The following FLNB variants were observed in gnomAD, a reference collection of about 807,000 sequenced individuals.
FLNB encodes the protein filamin B.
Under a neutral mutation model 250.6 loss-of-function variants are expected in FLNB, and 111 were observed. That is an observed-to-expected ratio of 0.44 (90% CI 0.38 to 0.52). The LOEUF is 0.52. Ranked by LOEUF, FLNB falls within the 20% of genes least tolerant of loss-of-function variation. The pLI is 0.00. For missense variants in FLNB, 2,869 were observed against 3,447.8 expected, an observed-to-expected ratio of 0.83 and a Z score of 4.20; for synonymous variants, 1,302 against 1,372.1, an observed-to-expected ratio of 0.95 and a Z score of 1.13.
chr3:58,163,019 G>A, intron 42 of FLNB, 135 bp from the exon 43 acceptor site: 1 of 853,184 alleles, frequency 1.2e-6, no homozygotes, highest in Admixed American at 2.0e-5. Flanking sequence ...AATCCAGGAT[G>A]CTGAGTGCCA....
chr3:58,052,873 A>G (rs1440745232), intron 1 of FLNB, among the ~76,000 whole-genome samples: 1 of 152,020 alleles, frequency 6.6e-6, no homozygotes, highest in East Asian at 1.9e-4. Context: ...CCCCATGGTC[A>G]CCCTCGCATT....
At chr3:58,120,218 G>A (rs989604125) in intron 19 of FLNB, among the ~76,000 whole-genome samples, 1 of 152,218 alleles carries the variant, frequency 6.6e-6, no homozygotes, top group Non-Finnish European at 1.5e-5. Context: ...TGGCTTTTGT[G>A]GCTGGAGCAG....
intron 1 of FLNB, among the ~76,000 whole-genome samples, chr3:58,055,951 C>A (rs1239704767): frequency 6.6e-6 from 1 of 151,958 alleles, no homozygotes; most frequent in African/African-American, 2.4e-5. Context: ...ATAGTTTGTG[C>A]TATCTAAAAC....
At chr3:58,060,769 C>CAAAA (rs71091334) in intron 1 of FLNB, among the ~76,000 whole-genome samples, 467 of 64,118 alleles carry the variant, frequency 7.3e-3, no homozygotes, top group Non-Finnish European at 0.011. Flanking sequence ...GACCTTGTCT[C>CAAAA]AAAAAAAAAA....
rs1288993059 is a variant in FLNB at position 58,151,410 on chromosome 3, AAAAAAGAG to A, written c.6367+1184_6367+1191del. On this transcript the variant is annotated intron_variant, in intron 38 of 45. Transcript: ENST00000295956. The stretch of plus-strand genomic sequence containing the variant: ...CCTTCTCAAAAAAAAAAAAAAAAAA[AAAAAAGAG>A]CTGTACTGATCGTTTGTAGTCATAA... 180 of 151,396 alleles carry A rather than the reference AAAAAAGAG, an allele frequency of 1.2e-3. 1 individual carries two copies. The highest frequency in any genetic ancestry group is 3.9e-3 in the African/African-American group (159 of 41,150). 9.4% of individuals were successfully genotyped at this position (151,396 alleles called of 1,614,324 possible). A position where few individuals can be genotyped will look rare whatever the true frequency, so the allele number is the denominator to read the frequency against.
intron 1 of FLNB, among the ~76,000 whole-genome samples, chr3:58,050,657 GC>G (rs1235155225): frequency 1.3e-5 from 2 of 152,168 alleles, no homozygotes; most frequent in Non-Finnish European, 2.9e-5. Flanking sequence ...GAGGCACTGA[GC>G]TTGATTCTGA....
intron 42 of FLNB, among the ~76,000 whole-genome samples, chr3:58,160,379 T>G (rs898556745): frequency 1.3e-5 from 2 of 152,214 alleles, no homozygotes; most frequent in Non-Finnish European, 2.9e-5. Flanking sequence ...GTGTTACCGG[T>G]GAACATAATA....
intron 25 of FLNB, chr3:58,132,539 G>A: frequency 1.9e-6 from 1 of 533,238 alleles, no homozygotes; most frequent in Non-Finnish European, 3.4e-6. Flanking sequence ...AGCAAGCACA[G>A]GCAGTCTCCT....
At chr3:58,170,536 T>A in intron 45 of FLNB, 39 bp from the exon 46 acceptor site, 2 of 1,600,904 alleles carry the variant, frequency 1.2e-6, no homozygotes, top group Non-Finnish European at 1.7e-6. Flanking sequence ...GTGCCTGTCC[T>A]GATGCATCCG....
chr3:58,017,400 G>A (rs147297733), intron 1 of FLNB, among the ~76,000 whole-genome samples: 86 of 152,268 alleles, frequency 5.6e-4, no homozygotes, highest in African/African-American at 2.0e-3. Context: ...ACAGGCATGC[G>A]CCATCACACC....
At chr3:58,151,816 A>G (rs2097345551) in intron 38 of FLNB, among the ~76,000 whole-genome samples, 1 of 152,194 alleles carries the variant, frequency 6.6e-6, no homozygotes, top group Non-Finnish European at 1.5e-5. Context: ...TGTGGGCTGG[A>G]TGCCCAGGAG....
At chr3:58,021,936 C>A (rs1405896256) in intron 1 of FLNB, among the ~76,000 whole-genome samples, 1 of 152,052 alleles carries the variant, frequency 6.6e-6, no homozygotes. Context: ...ACCAACACTG[C>A]TGGCTAATTT....
At chr3:58,038,989 G>A (rs2097142161) in intron 1 of FLNB, among the ~76,000 whole-genome samples, 1 of 151,384 alleles carries the variant, frequency 6.6e-6, no homozygotes, top group African/African-American at 2.4e-5. Context: ...CACTTTGGGA[G>A]GCTAAGGTGG....
rs1022909179 is a variant in FLNB, at chr3:58,142,838, C to T, written c.5284+86C>T. ...GTGCTGGGGAGGTGTGTCCACTGTC[C>T]CCCAGACCCAGGCTCCTTAACCCAG... On this transcript the variant is annotated intron_variant, in intron 31 of 45. Coordinates refer to ENST00000295956, the MANE Select transcript of FLNB (RefSeq NM_001457.4). This position sits in a 1 kb window ranked among gnomAD's most constrained non-coding sequence, Gnocchi z 4.3. 7.6e-6 allele frequency: 9 copies of T among 1,191,126 alleles called. No homozygotes were observed. Among genetic ancestry groups the T allele is most frequent in the Non-Finnish European group, 1.1e-5 (9 of 804,792 alleles). The allele number at this position is 1,191,126 out of a possible 1,614,324, so 73.8% of individuals were successfully genotyped here. A position where few individuals can be genotyped will look rare whatever the true frequency, so the allele number is the denominator to read the frequency against.
intron 11 of FLNB, 78 bp from the exon 12 acceptor site, chr3:58,106,602 C>A (rs184067377): frequency 5.9e-6 from 8 of 1,364,684 alleles, no homozygotes; most frequent in Non-Finnish European, 8.4e-6. Context: ...AGGGAGGCAG[C>A]GGGAATGAGC....
At chr3:58,122,735 C>T (rs967392700) in intron 20 of FLNB, among the ~76,000 whole-genome samples, 3 of 152,288 alleles carry the variant, frequency 2.0e-5, no homozygotes, top group East Asian at 3.9e-4. Flanking sequence ...AGAGCCCTTC[C>T]ATGAGCCCTC....
intron 1 of FLNB, among the ~76,000 whole-genome samples, chr3:58,035,095 T>C (rs1318903301): frequency 6.6e-6 from 1 of 152,206 alleles, no homozygotes; most frequent in Admixed American, 6.5e-5. Flanking sequence ...CGTGGCTTCC[T>C]GTGTCACTAG....
Position 58,164,313 on chromosome 3 carries a change from C to CT in FLNB, c.7198+984dup, listed in dbSNP as rs1291628100. 6.6e-6 allele frequency: 1 copy of CT among 152,292 alleles called. No homozygotes were observed. The highest frequency in any genetic ancestry group is 1.9e-4 in the East Asian group (1 of 5,202). The allele number at this position is 152,292 out of a possible 1,614,324, so 9.4% of individuals were successfully genotyped here. ...AGTGAGTGCGTCACTGTTATGGAGG[C>CT]TGCCAGGGTGGAGAGTCAGTCCTTA... On this transcript the variant is annotated intron_variant, in intron 43 of 45. Transcript: ENST00000295956. The surrounding 1 kb of genome is among the most constrained non-coding windows in gnomAD (Gnocchi z 4.0).
In FLNB at chr3:58,138,462, C is replaced by T. The variant is rs780823510; in HGVS notation, c.5042C>T (p.Pro1681Leu). The T allele has an allele frequency of 1.1e-5, 18 of 1,614,056 alleles. No homozygotes were observed. Among genetic ancestry groups the T allele is most frequent in the East Asian group, 6.7e-5 (3 of 44,898 alleles). ...TYDIFYTAAK[P>L]GTYVIYVRFG... is the part of the protein sequence containing the mutation. The stretch of plus-strand genomic sequence containing the variant: ...GACATCTTCTACACAGCTGCCAAGC[C>T]GGGCACATATGTGATCTATGTGCGC... The change falls in exon 29 of 46, where the codon CCG becomes CTG. Residue 1681 changes from proline (P) to leucine (L), a missense_variant. Physicochemically the swap from Pro to Leu is moderately conservative, Grantham distance 98. This residue lies in a region of FLNB where 1,084 missense variants were observed against 1,315.5 expected (regional missense o/e 0.82). Coordinates refer to ENST00000295956, the MANE Select transcript of FLNB (RefSeq NM_001457.4).
Sources: allele counts gnomAD v4.1 joint callset (sites outside exome capture counted in the v4.1 genomes callset), GRCh38; gene constraint gnomAD v4.1.1; regional missense constraint gnomAD v4.1.1; non-coding constraint Gnocchi (gnomAD v3.1); transcripts MANE v1.5; gene names NCBI Gene and HGNC (gene_info 2026-07-23, HGNC 2026-07-21).